Variants in LYZL6 observed in about 807,000 individuals in gnomAD.
LYZL6 encodes the protein lysozyme like 6, also known as lysozyme-like protein 6.
Under a neutral mutation model 15.0 loss-of-function variants are expected in LYZL6, and 21 were observed. That is an observed-to-expected ratio of 1.40 (90% confidence interval 1.00 to 2.02). The LOEUF (loss-of-function observed/expected upper bound fraction) is 2.02. Ranked by LOEUF, LYZL6 falls within the 30% of genes most tolerant of loss-of-function variation. The pLI, the probability that LYZL6 is intolerant of heterozygous loss-of-function variation, is 0.00. For missense variants in LYZL6, 173 were observed against 180.5 expected, an observed-to-expected ratio of 0.96 and a Z score of 0.24; for synonymous variants, 72 against 67.8, an observed-to-expected ratio of 1.06 and a Z score of -0.31.
chr17:35,939,246 A>G lies in LYZL6; in HGVS notation c.111T>C (p.Asp37=). The G allele has an allele frequency of 6.2e-7, 1 of 1,614,146 alleles. No individual in the cohort carries two copies. The highest frequency in any genetic ancestry group is 8.5e-7 in the Non-Finnish European group (1 of 1,180,012). The change falls in exon 2 of 5, where the codon GAT becomes GAC. Residue 37 remains aspartate, a synonymous_variant. Coordinates refer to ENST00000615905, the MANE Select transcript of LYZL6 (RefSeq NM_020426.4). ...CACTCAGGGAGTAACCCTCAAACCC[A>G]TCCAAGTCCTCCAGCTGCAGCACCT... ...LAQVLQLEDL[D]GFEGYSLSDW...
chr17:35,939,140 A>G lies in LYZL6; in HGVS notation c.139+78T>C, dbSNP rs77311544. On this transcript the variant is annotated intron_variant, in intron 2 of 4. Transcript: ENST00000615905. ...TTTTGAACTTGGCTTTGAAAGATGA[A>G]CAGGAGAGAAAGAAGCTGGCCATAT... 2,951 of 1,510,964 alleles carry G rather than the reference A, an allele frequency of 2.0e-3. 49 individuals carry two copies. In the African/African-American group the frequency reaches 0.034, roughly 18 times the overall value. The allele number at this position is 1,510,964 out of a possible 1,614,324, so 93.6% of individuals were successfully genotyped here.
intron 2 of LYZL6, 36 bp from the exon 3 acceptor site, chr17:35,937,952 G>A (rs1281810379): frequency 6.3e-7 from 1 of 1,598,914 alleles, no homozygotes; most frequent in Admixed American, 1.7e-5. Flanking sequence ...GATTTAGAGG[G>A]GACCAAGCTG....
At position 35,934,857 on chromosome 17, in the gene LYZL6, C is replaced by A; in HGVS notation, c.386G>T (p.Trp129Leu). The change falls in exon 5 of 5, where the codon TGG (tryptophan) becomes TTG (leucine). Residue 129 changes from tryptophan to leucine, a missense_variant. Coordinates refer to ENST00000615905, the MANE Select transcript of LYZL6 (RefSeq NM_020426.4). ...TGGCCGGCCTGAACAGTGCAACCTC[C>A]ATTCTACCCTGCGGAGAAAAAAGAC... ...GARGMNNWVE[W>L]RLHCSGRPLF... The A allele has an allele frequency of 3.7e-6, 6 of 1,614,180 alleles. No individual in the cohort carries two copies. The highest frequency in any genetic ancestry group is 2.5e-6 in the Non-Finnish European group (3 of 1,180,020).
At chr17:35,938,014 A>G (rs1255317486) in intron 2 of LYZL6, 98 bp from the exon 3 acceptor site, 1 of 1,261,750 alleles carries the variant, frequency 7.9e-7, no homozygotes, top group African/African-American at 1.5e-5. Flanking sequence ...GACAAAAGGA[A>G]CAAGGCCTGG....
At chr17:35,936,219 A>G (rs1424893442) in intron 4 of LYZL6, among the ~76,000 whole-genome samples, 3 of 152,220 alleles carry the variant, frequency 2.0e-5, no homozygotes, top group Admixed American at 1.3e-4. Flanking sequence ...GATTGGACCA[A>G]GGGGGCACAC....
At chr17:35,938,040 T>G in intron 2 of LYZL6, 124 bp from the exon 3 acceptor site, 1 of 877,752 alleles carries the variant, frequency 1.1e-6, no homozygotes, top group South Asian at 1.7e-5. Flanking sequence ...AAGATAGGAC[T>G]AGAGGGCTTG....
At chr17:35,943,117 C>A (rs2089436170) in intron 1 of LYZL6, among the ~76,000 whole-genome samples, 1 of 152,200 alleles carries the variant, frequency 6.6e-6, no homozygotes, top group Non-Finnish European at 1.5e-5. Flanking sequence ...GGACCTCTGT[C>A]TGTGACAGAG....
chr17:35,936,654 A>G, intron 4 of LYZL6, 101 bp downstream of exon 4: 1 of 905,524 alleles, frequency 1.1e-6, no homozygotes. Flanking sequence ...CTTTCTAGAC[A>G]CTGCAAGGGC....
intron 1 of LYZL6, among the ~76,000 whole-genome samples, chr17:35,943,159 T>A (rs2089436433): frequency 6.6e-6 from 1 of 152,180 alleles, no homozygotes; most frequent in Non-Finnish European, 1.5e-5. Flanking sequence ...ATTAAACTCC[T>A]GCTCCAAACT....
Position 35,937,803 on chromosome 17 carries a change from C to G in LYZL6, c.253G>C (p.Asp85His), listed in dbSNP as rs370894634. 6.2e-7 allele frequency: 1 copy of G among 1,614,170 alleles called. No homozygotes were observed. The highest frequency in any genetic ancestry group is 8.5e-7 in the Non-Finnish European group (1 of 1,180,038). Residue 85 changes from aspartate to histidine, a missense_variant, in exon 3 of 5, where the codon GAT becomes CAT. By Grantham distance (81) the Asp-to-His change is moderately conservative. Coordinates refer to ENST00000615905, the MANE Select transcript of LYZL6 (RefSeq NM_020426.4). ...FQINSHYWCN[D>H]YKSYSENLCH... ...AGGTTTTCCGAGTAACTCTTATAATCGTTGCACCAGTAGTGGCTGTTGATC... is the reference window on the plus strand; with the variant it reads ...AGGTTTTCCGAGTAACTCTTATAATGGTTGCACCAGTAGTGGCTGTTGATC...
intron 1 of LYZL6, among the ~76,000 whole-genome samples, chr17:35,942,807 G>A (rs34592370): frequency 3.3e-5 from 5 of 151,984 alleles, no homozygotes; most frequent in South Asian, 2.1e-4. Context: ...CTTTAGGCGC[G>A]CTAAGATAGG....
chr17:35,941,127 G>T (rs1302081146), intron 1 of LYZL6, among the ~76,000 whole-genome samples: 2 of 152,170 alleles, frequency 1.3e-5, no homozygotes, highest in East Asian at 3.8e-4. Flanking sequence ...GTGTATGAAG[G>T]TTCCAATTTC....
chr17:35,935,442 T>C (rs1333039304), intron 4 of LYZL6, among the ~76,000 whole-genome samples: 2 of 152,128 alleles, frequency 1.3e-5, no homozygotes, highest in Non-Finnish European at 2.9e-5. Flanking sequence ...TTGAGACGGA[T>C]TCTTTCTCTG....
intron 4 of LYZL6, among the ~76,000 whole-genome samples, chr17:35,935,321 T>TC (rs1233248329): frequency 6.6e-6 from 1 of 152,218 alleles, no homozygotes; most frequent in Non-Finnish European, 1.5e-5. Context: ...AGTTTGAAGC[T>TC]CAGAAAAGGT....
At chr17:35,937,251 G>C (rs1315620920) in intron 3 of LYZL6, among the ~76,000 whole-genome samples, 1 of 152,188 alleles carries the variant, frequency 6.6e-6, no homozygotes, top group Non-Finnish European at 1.5e-5. Context: ...GGGCCCTGTC[G>C]AGCCTCCTGG....
At chr17:35,939,124 TGGC>T in intron 2 of LYZL6, 91 bp downstream of exon 2, 2 of 1,450,736 alleles carry the variant, frequency 1.4e-6, no homozygotes, top group Admixed American at 2.1e-5. Context: ...TTTTTGAACT[TGGC>T]TTTGAAAGAT....
Position 35,939,287 on chromosome 17 carries a change from G to A in LYZL6, c.70C>T (p.Arg24Cys), listed in dbSNP as rs754205074. 13 of 1,614,054 alleles carry A rather than the reference G, an allele frequency of 8.1e-6. No individual in the cohort carries two copies. The highest frequency in any genetic ancestry group is 3.3e-5 in the South Asian group (3 of 91,082). Residue 24 changes from arginine to cysteine, a missense_variant, in exon 2 of 5, where the codon CGC (arginine) becomes TGC (cysteine). Physicochemically the swap from Arg to Cys is radical, Grantham distance 180. Transcript: ENST00000615905. ...LALNQASLIS[R>C]CDLAQVLQLE... The stretch of plus-strand genomic sequence containing the variant: ...TGCAGCACCTGGGCCAAGTCACAGC[G>A]ACTGATGAGGCTGGCCTGATTTAGG...
At chr17:35,937,441 A>G (rs777098404) in intron 3 of LYZL6, among the ~76,000 whole-genome samples, 2 of 152,232 alleles carry the variant, frequency 1.3e-5, no homozygotes, top group African/African-American at 4.8e-5. Flanking sequence ...CTACTGCATG[A>G]AAGTTGGATG....
rs1162529913 is a variant in LYZL6 at position 35,934,606 on chromosome 17, G to A, written c.*190C>T. 1.8e-6 allele frequency: 1 copy of A among 561,100 alleles called. No homozygotes were observed. Among genetic ancestry groups the A allele is most frequent in the Non-Finnish European group, 3.2e-6 (1 of 317,094 alleles). The allele number at this position is 561,100 out of a possible 1,614,324, so 34.8% of individuals were successfully genotyped here. On this transcript the variant is annotated 3_prime_UTR_variant, in exon 5 of 5. Transcript: ENST00000615905. ...TTACAAATAACAGACAGGAACCAGG[G>A]GACTGGGTCCAGATGGGAGTAAGGA...
Sources: allele counts gnomAD v4.1 joint callset (sites outside exome capture counted in the v4.1 genomes callset), GRCh38; gene constraint gnomAD v4.1.1; transcripts MANE v1.5; gene names NCBI Gene and HGNC (gene_info 2026-07-23, HGNC 2026-07-21).